Variants in SRP9 observed in about 807,000 individuals in gnomAD.
SRP9 encodes the protein signal recognition particle 9 kDa protein.
Under a neutral mutation model 11.7 loss-of-function variants are expected in SRP9, and 2 were observed. That is an observed-to-expected ratio of 0.17 (90% confidence interval 0.07 to 0.54). SRP9 has a LOEUF of 0.54. Ranked by LOEUF, SRP9 falls within the 20% of genes least tolerant of loss-of-function variation. SRP9 has a pLI of 0.94. For missense variants in SRP9, 54 were observed against 108.1 expected (o/e 0.50, Z 2.22); for synonymous variants, 27 against 35.6 (o/e 0.76, Z 0.86).
At chr1:225,780,202 TTTA>T (rs1665765972) in intron 1 of SRP9, among the ~76,000 whole-genome samples, 1 of 98,774 alleles carries the variant, frequency 1.0e-5, no homozygotes, top group Admixed American at 1.0e-4. Context: ...TTTTTTTTTT[TTTA>T]AAGACGGGGC....
intron 2 of SRP9, among the ~76,000 whole-genome samples, chr1:225,788,461 GGCTGGAGT>G: frequency 6.7e-6 from 1 of 148,916 alleles, no homozygotes; most frequent in East Asian, 2.0e-4. Context: ...CTGTCGCCCA[GGCTGGAGT>G]GCAGTGGCAT....
At position 225,777,891 on chromosome 1, in the gene SRP9, G is replaced by T. The variant is rs761826186; in HGVS notation, c.-50G>T. On this transcript the variant is annotated 5_prime_UTR_variant, in exon 1 of 3. Transcript: ENST00000304786. ...ACTCCCGGACGTAGGTAGTTTGTTG[G>T]GCCGGGTTCTGAGGCCTTGCTTCTC... 3 of 1,555,860 alleles carry T rather than the reference G, an allele frequency of 1.9e-6. No homozygotes were observed. The Admixed American group carries it at 5.2e-5, about 27-fold the overall frequency.
In SRP9 at chr1:225,777,894, C is replaced by A; in HGVS notation, c.-47C>A. 1.3e-6 allele frequency: 2 copies of A among 1,559,972 alleles called. No homozygotes were observed. The highest frequency in any genetic ancestry group is 1.1e-5 in the South Asian group (1 of 89,280). On this transcript the variant is annotated 5_prime_UTR_variant, in exon 1 of 3. Transcript: ENST00000304786. The stretch of plus-strand genomic sequence containing the variant: ...CCCGGACGTAGGTAGTTTGTTGGGC[C>A]GGGTTCTGAGGCCTTGCTTCTCTTT...
At chr1:225,778,716 T>C (rs1236019089) in intron 1 of SRP9, among the ~76,000 whole-genome samples, 2 of 152,238 alleles carry the variant, frequency 1.3e-5, no homozygotes, top group Non-Finnish European at 2.9e-5. Flanking sequence ...AGTTTAGCAT[T>C]CGGGTCTTAC....
chr1:225,783,605 T>G lies in SRP9; in HGVS notation c.141+237T>G, dbSNP rs575191190. Among the ~76,000 whole-genome samples the G allele has an allele frequency of 3.3e-5, 5 of 152,364 alleles. No homozygotes were observed. The East Asian group carries it at 9.6e-4, about 29-fold the overall frequency. ...TTTAATAAGTGCTGTCTTCAGACCTTAAGCAACAGAAATGTAGAGACCAAA... is the reference window on the plus strand; with the variant it reads ...TTTAATAAGTGCTGTCTTCAGACCTGAAGCAACAGAAATGTAGAGACCAAA... On this transcript the variant is annotated intron_variant, in intron 2 of 2. Coordinates refer to ENST00000304786, the MANE Select transcript of SRP9 (RefSeq NM_003133.6).
intron 2 of SRP9, among the ~76,000 whole-genome samples, chr1:225,784,687 A>G (rs1231322649): frequency 6.6e-6 from 1 of 151,672 alleles, no homozygotes; most frequent in African/African-American, 2.4e-5. Context: ...TAAAAATACA[A>G]AAAAATTAGC....
At chr1:225,787,585 C>T (rs1665943775) in intron 2 of SRP9, among the ~76,000 whole-genome samples, 1 of 152,096 alleles carries the variant, frequency 6.6e-6, no homozygotes, top group African/African-American at 2.4e-5. Flanking sequence ...ATACAAAAGG[C>T]CTTATCTCCA....
In SRP9 at chr1:225,790,221, G is replaced by A. The variant is rs1382821989; in HGVS notation, c.*862G>A. On this transcript the variant is annotated 3_prime_UTR_variant, in exon 3 of 3. Transcript: ENST00000304786. ...CTGTCTTTAATTAACCAAGGTGTTA[G>A]GTGTGACTGTCACAACTGTTATGTT... 6.6e-6 allele frequency: 1 copy of A among 152,200 alleles called. No individual in the cohort carries two copies. The highest frequency in any genetic ancestry group is 2.4e-5 in the African/African-American group (1 of 41,448). 9.4% of individuals were successfully genotyped at this position (152,200 alleles called of 1,614,324 possible).
chr1:225,786,870 T>C (rs1473784546), intron 2 of SRP9: 2 of 1,209,092 alleles, frequency 1.7e-6, no homozygotes, highest in Admixed American at 4.8e-5. Context: ...AGAGACAGTG[T>C]CTTGCTCTAT....
rs1188058855 is a variant in SRP9, at chr1:225,788,539, C to T, written c.142-701C>T. ...CAAGCGATTCTCCTGCCTCAGCCTC[C>T]TAAGTAGCTGGGATTACAGGCACAC... is the stretch of plus-strand genomic sequence containing the variant. On this transcript the variant is annotated intron_variant, in intron 2 of 2. Transcript: ENST00000304786. Among the ~76,000 whole-genome samples the T allele has an allele frequency of 3.3e-5, 5 of 151,206 alleles. 1 individual carries two copies. The South Asian group carries it at 8.6e-4, about 26-fold the overall frequency.
intron 1 of SRP9, among the ~76,000 whole-genome samples, chr1:225,782,497 CAA>C (rs756281548): frequency 6.6e-5 from 10 of 152,104 alleles, no homozygotes; most frequent in Admixed American, 2.0e-4. Flanking sequence ...GCTAGCTAAA[CAA>C]GAGTTACTGA....
intron 2 of SRP9, among the ~76,000 whole-genome samples, chr1:225,787,998 CAT>C (rs1451285454): frequency 1.3e-5 from 2 of 152,120 alleles, no homozygotes; most frequent in Non-Finnish European, 2.9e-5. Context: ...GTTTAAAACT[CAT>C]GTGAACCTTT....
intron 1 of SRP9, among the ~76,000 whole-genome samples, chr1:225,778,243 C>A (rs542461213): frequency 1.2e-4 from 18 of 152,252 alleles, no homozygotes; most frequent in Non-Finnish European, 2.6e-4. Flanking sequence ...AACATTTCTG[C>A]AATCGATCTT....
intron 2 of SRP9, among the ~76,000 whole-genome samples, chr1:225,787,721 T>C (rs1164869731): frequency 6.6e-6 from 1 of 152,206 alleles, no homozygotes; most frequent in African/African-American, 2.4e-5. Context: ...AATACTGTCT[T>C]CTATGGACCT....
chr1:225,783,585 T>C (rs1001085638), intron 2 of SRP9, among the ~76,000 whole-genome samples: 1 of 152,240 alleles, frequency 6.6e-6, no homozygotes, highest in Non-Finnish European at 1.5e-5. Context: ...GTGTCTTTAA[T>C]AAGTGCTGTC....
chr1:225,790,233 A>G lies in SRP9; in HGVS notation c.*874A>G, dbSNP rs1301828049. 1 of 152,350 alleles carries G rather than the reference A, an allele frequency of 6.6e-6. No homozygotes were observed. The highest frequency in any genetic ancestry group is 2.4e-5 in the African/African-American group (1 of 41,582). The allele number at this position is 152,350 out of a possible 1,614,324, so 9.4% of individuals were successfully genotyped here. ...AACCAAGGTGTTAGGTGTGACTGTC[A>G]CAACTGTTATGTTTTCCAGTAAACT... On this transcript the variant is annotated 3_prime_UTR_variant, in exon 3 of 3. Transcript: ENST00000304786.
intron 1 of SRP9, among the ~76,000 whole-genome samples, chr1:225,782,206 C>A (rs1665813868): frequency 6.6e-6 from 1 of 152,068 alleles, no homozygotes; most frequent in Non-Finnish European, 1.5e-5. Flanking sequence ...GCTCTGTCCC[C>A]AGGCTGGAGT....
intron 2 of SRP9, among the ~76,000 whole-genome samples, chr1:225,783,669 T>C (rs1256295989): frequency 1.3e-5 from 2 of 152,222 alleles, no homozygotes; most frequent in African/African-American, 2.4e-5. Flanking sequence ...TAAATGACAG[T>C]GTTTGAACAC....
intron 1 of SRP9, among the ~76,000 whole-genome samples, chr1:225,779,739 A>G (rs757673814): frequency 3.3e-5 from 5 of 152,232 alleles, no homozygotes; most frequent in Non-Finnish European, 5.9e-5. Context: ...TAATTTGTTT[A>G]TAACACTGGT....
Sources: allele counts gnomAD v4.1 joint callset (sites outside exome capture counted in the v4.1 genomes callset), GRCh38; gene constraint gnomAD v4.1.1; transcripts MANE v1.5; gene names NCBI Gene and HGNC (gene_info 2026-07-23, HGNC 2026-07-21).